Variants in FLT3 observed in about 807,000 individuals in gnomAD.
FLT3 encodes the protein receptor-type tyrosine-protein kinase FLT3.
FLT3 carries 46 observed loss-of-function variants against 126.6 expected under a neutral mutation model. The ratio of observed to expected loss-of-function variants is 0.36; its 90% confidence interval spans 0.29 to 0.46. The LOEUF (loss-of-function observed/expected upper bound fraction) is 0.46, where lower values mean the gene tolerates loss of function less well. Among genes scored for constraint, FLT3 ranks in the 20% least tolerant of loss-of-function variants. FLT3 has a pLI of 1.00. For missense variants in FLT3, 1,069 were observed against 1,190.3 expected, an observed-to-expected ratio of 0.90 and a Z score of 1.50; for synonymous variants, 404 against 434.4, an observed-to-expected ratio of 0.93 and a Z score of 0.87.
intron 22 of FLT3, among the ~76,000 whole-genome samples, chr13:28,014,846 A>G (rs925715591): frequency 1.3e-5 from 2 of 152,104 alleles, no homozygotes; most frequent in African/African-American, 4.8e-5. Flanking sequence ...GAGGACAGGA[A>G]AGGTTCAGCT....
intron 2 of FLT3, among the ~76,000 whole-genome samples, chr13:28,062,471 G>C (rs577561368): frequency 6.6e-6 from 1 of 152,008 alleles, no homozygotes; most frequent in Non-Finnish European, 1.5e-5. Flanking sequence ...GGCAGGGCAC[G>C]GTGGCTCACA....
chr13:28,035,374 C>T lies in FLT3; in HGVS notation c.1597+121G>A. 4 of 927,418 alleles carry T rather than the reference C, an allele frequency of 4.3e-6. No homozygotes were observed. The South Asian group carries it at 5.2e-5, about 12-fold the overall frequency. 57.4% of individuals were successfully genotyped at this position (927,418 alleles called of 1,614,324 possible). A position where few individuals can be genotyped will look rare whatever the true frequency, so the allele number is the denominator to read the frequency against. On this transcript the variant is annotated intron_variant, in intron 12 of 23. Coordinates refer to ENST00000241453, the MANE Select transcript of FLT3 (RefSeq NM_004119.3). ...GGGATTCTTGCCTGACTCAAGAAAC[C>T]TTTTCTCACACACTGACCCTATACT...
chr13:28,043,925 C>T (rs1874613892), intron 9 of FLT3, among the ~76,000 whole-genome samples: 2 of 151,808 alleles, frequency 1.3e-5, no homozygotes, highest in Non-Finnish European at 2.9e-5. Context: ...GCCTGGCCAA[C>T]ATGGTGAAAC....
At chr13:28,023,097 C>T (rs987378218) in intron 19 of FLT3, among the ~76,000 whole-genome samples, 4 of 152,204 alleles carry the variant, frequency 2.6e-5, no homozygotes, top group African/African-American at 4.8e-5. Flanking sequence ...TCTCGACCTT[C>T]AGCCTTGGAA....
chr13:28,021,457 G>A (rs1872377564), intron 19 of FLT3, among the ~76,000 whole-genome samples: 1 of 152,144 alleles, frequency 6.6e-6, no homozygotes. Context: ...GAAAGACTCA[G>A]GTGGGCAAGA....
chr13:28,091,301 A>G (rs952894018), intron 1 of FLT3, among the ~76,000 whole-genome samples: 3 of 127,750 alleles, frequency 2.3e-5, no homozygotes, highest in Non-Finnish European at 3.1e-5. Context: ...GGCTCACTGC[A>G]AGCTCCGCCT....
intron 9 of FLT3, among the ~76,000 whole-genome samples, chr13:28,040,572 C>A (rs1039437139): frequency 6.6e-5 from 10 of 152,152 alleles, no homozygotes; most frequent in African/African-American, 2.4e-4. Flanking sequence ...TGCGTAATTG[C>A]AGCTTTTGAG....
At chr13:28,087,097 T>C (rs1448450631) in intron 1 of FLT3, among the ~76,000 whole-genome samples, 1 of 152,214 alleles carries the variant, frequency 6.6e-6, no homozygotes, top group Non-Finnish European at 1.5e-5. Context: ...ATATTATTAG[T>C]TTTGCTCTGT....
In FLT3 at chr13:28,032,479, G is replaced by A. The variant is rs7326082; in HGVS notation, c.1942+1408C>T. ...ACAAAAATTAGCCAGGCATGGTGGCGCATGCCTGTAGTCCCCCCTACTCAG... is the reference window on the plus strand; with the variant it reads ...ACAAAAATTAGCCAGGCATGGTGGCACATGCCTGTAGTCCCCCCTACTCAG... On this transcript the variant is annotated intron_variant, in intron 15 of 23. Coordinates refer to ENST00000241453, the MANE Select transcript of FLT3 (RefSeq NM_004119.3). 4.0e-3 allele frequency among the ~76,000 whole-genome samples: 611 copies of A among 152,272 alleles called. 5 individuals carry two copies. Among genetic ancestry groups the A allele is most frequent in the African/African-American group, 0.014 (563 of 41,558 alleles).
At chr13:28,022,493 C>T (rs1872487891) in intron 19 of FLT3, among the ~76,000 whole-genome samples, 1 of 152,048 alleles carries the variant, frequency 6.6e-6, no homozygotes, top group Non-Finnish European at 1.5e-5. Flanking sequence ...GCCTGGGCAA[C>T]AGAGCGAGAC....
intron 4 of FLT3, among the ~76,000 whole-genome samples, chr13:28,056,020 G>A (rs546404491): frequency 1.3e-5 from 2 of 152,194 alleles, no homozygotes; most frequent in South Asian, 4.1e-4. Context: ...AATAAATTTT[G>A]GGTAATTTTG....
At chr13:28,045,709 A>C (rs59703277) in intron 9 of FLT3, among the ~76,000 whole-genome samples, 26,138 of 151,934 alleles carry the variant, frequency 0.17, 2,341 homozygotes, top group Middle Eastern at 0.23. Flanking sequence ...AAAATACAAA[A>C]AATTAGCTGG....
intron 9 of FLT3, among the ~76,000 whole-genome samples, chr13:28,038,138 G>A (rs572749583): frequency 2.6e-5 from 4 of 152,186 alleles, no homozygotes; most frequent in Non-Finnish European, 5.9e-5. Context: ...CTGAGCTTGT[G>A]CAGAAACCTC....
chr13:28,015,876 T>C (rs1248056011), intron 20 of FLT3, among the ~76,000 whole-genome samples, 175 bp from the exon 21 acceptor site: 1 of 152,180 alleles, frequency 6.6e-6, no homozygotes, highest in Non-Finnish European at 1.5e-5. Flanking sequence ...ATTCTAATAA[T>C]ACTAGCCTAA....
At chr13:28,034,508 T>C (rs1873655804) in intron 12 of FLT3, 101 bp from the exon 13 acceptor site, 1 of 862,506 alleles carries the variant, frequency 1.2e-6, no homozygotes, top group Admixed American at 2.1e-5. Flanking sequence ...GTTTCAGTAA[T>C]AATCATTTTC....
chr13:28,095,916 C>G (rs1352388039), intron 1 of FLT3, among the ~76,000 whole-genome samples: 1 of 152,122 alleles, frequency 6.6e-6, no homozygotes, highest in African/African-American at 2.4e-5. Context: ...AATACCTTTG[C>G]TTAAAGAATG....
intron 1 of FLT3, among the ~76,000 whole-genome samples, chr13:28,091,214 T>TTTC (rs1879019251): frequency 2.0e-5 from 2 of 98,996 alleles, no homozygotes; most frequent in Non-Finnish European, 3.9e-5. Flanking sequence ...TTTCTTTTTT[T>TTTC]TTTTTTTTTT....
At chr13:28,084,794 T>C (rs375729633) in intron 1 of FLT3, among the ~76,000 whole-genome samples, 1 of 151,608 alleles carries the variant, frequency 6.6e-6, no homozygotes, top group African/African-American at 2.4e-5. Flanking sequence ...GCTAACACGG[T>C]GAAACCCCGT....
chr13:28,012,800 G>A (rs570757948), intron 23 of FLT3, among the ~76,000 whole-genome samples: 10 of 152,124 alleles, frequency 6.6e-5, no homozygotes, highest in South Asian at 4.2e-4. Flanking sequence ...AGCTGGGTCC[G>A]GTGGTGTGTG....
Sources: gnomAD v4.1 joint callset for allele counts (sites outside exome capture counted in the v4.1 genomes callset) on GRCh38, gnomAD v4.1.1 for gene constraint, MANE v1.5 for transcripts, NCBI Gene and HGNC (gene_info 2026-07-23, HGNC 2026-07-21) for gene names.